CAST: variants seen among roughly 807,000 people sequenced by gnomAD.
CAST encodes the protein calpastatin, also known as MIR583 host.
A neutral mutation model predicts 119.6 loss-of-function variants in CAST; 76 were observed. The ratio of observed to expected loss-of-function variants is 0.64; its 90% confidence interval spans 0.53 to 0.77. The LOEUF (loss-of-function observed/expected upper bound fraction) is 0.77, where lower values mean the gene tolerates loss of function less well. CAST is among the 30% of genes least tolerant of loss of function. The probability of loss-of-function intolerance (pLI) is 0.00; values close to 1 mark genes in which losing one functional copy is unlikely to be tolerated. For missense variants in CAST, 953 were observed against 946.5 expected, an observed-to-expected ratio of 1.01 and a Z score of -0.09; for synonymous variants, 319 against 331.6, an observed-to-expected ratio of 0.96 and a Z score of 0.41.
the CAST span, among the ~76,000 whole-genome samples, chr5:96,149,573 C>T: frequency 1.3e-5 from 2 of 152,316 alleles, no homozygotes; most frequent in East Asian, 3.9e-4. Context: ...TGATGAGACT[C>T]ATTAAGGGCA....
At chr5:96,694,975 T>G (rs1434968253) in intron 2 of CAST, among the ~76,000 whole-genome samples, 2 of 152,164 alleles carry the variant, frequency 1.3e-5, no homozygotes, top group African/African-American at 4.8e-5. Context: ...AATGAAGTGT[T>G]TTTCTAGGAC....
the CAST span, among the ~76,000 whole-genome samples, chr5:96,166,685 A>G: frequency 6.6e-6 from 1 of 152,234 alleles, no homozygotes; most frequent in Non-Finnish European, 1.5e-5. Flanking sequence ...CAATTGAAGC[A>G]TAGCCTTGGC....
At chr5:96,293,204 G>T in the CAST span, among the ~76,000 whole-genome samples, 4 of 152,172 alleles carry the variant, frequency 2.6e-5, no homozygotes, top group Non-Finnish European at 5.9e-5. Flanking sequence ...CAGAAAATCT[G>T]TGGTTCTTAG....
At chr5:96,325,063 G>T in the CAST span, among the ~76,000 whole-genome samples, 1 of 152,138 alleles carries the variant, frequency 6.6e-6, no homozygotes, top group African/African-American at 2.4e-5. Flanking sequence ...AAATTAGCTG[G>T]GTATGGTGGT....
At chr5:96,379,573 G>A in the CAST span, 5 of 152,116 alleles carry the variant, frequency 3.3e-5, no homozygotes, top group African/African-American at 9.7e-5. Context: ...TAGGGCCAGA[G>A]GATCTACTAC....
chr5:95,983,756 T>C, the CAST span, among the ~76,000 whole-genome samples: 2 of 152,174 alleles, frequency 1.3e-5, no homozygotes, highest in South Asian at 4.1e-4. Flanking sequence ...AGTGGTCACC[T>C]CTAAGGGGTG....
chr5:96,079,518 T>A, the CAST span, among the ~76,000 whole-genome samples: 20 of 152,338 alleles, frequency 1.3e-4, no homozygotes, highest in Admixed American at 4.6e-4. Flanking sequence ...AAATGTAGTT[T>A]GTAAAGTCTG....
the CAST span, among the ~76,000 whole-genome samples, chr5:96,048,691 A>G: frequency 6.6e-6 from 1 of 152,004 alleles, no homozygotes; most frequent in South Asian, 2.1e-4. Context: ...CAGAGTGGAC[A>G]TGTCCCAAAT....
At chr5:96,747,533 A>ATCAGCCAAGTGTTACCATC in intron 18 of CAST, 141 bp downstream of exon 18, 2 of 545,826 alleles carry the variant, frequency 3.7e-6, no homozygotes, top group Non-Finnish European at 6.6e-6. Context: ...TTCTGATGGT[A>ATCAGCCAAGTGTTACCATC]ACACTTGGCT....
chr5:96,424,008 G>A, the CAST span, among the ~76,000 whole-genome samples: 1 of 152,184 alleles, frequency 6.6e-6, no homozygotes, highest in South Asian at 2.1e-4. Context: ...GATTTAGGGG[G>A]TAAGTGTCTG....
chr5:96,577,298 A>G (rs1044014363), intron 1 of CAST, among the ~76,000 whole-genome samples: 2 of 151,796 alleles, frequency 1.3e-5, no homozygotes, highest in South Asian at 4.2e-4. Flanking sequence ...GTCTTGGTGG[A>G]GGTTTATCAA....
upstream of CAST, among the ~76,000 whole-genome samples, chr5:96,524,654 G>A (rs1194160142): frequency 6.6e-6 from 1 of 152,114 alleles, no homozygotes; most frequent in Non-Finnish European, 1.5e-5. Context: ...TGAGCAAGGG[G>A]AACCCAAAAC....
the CAST span, among the ~76,000 whole-genome samples, chr5:96,013,570 C>A: frequency 1.3e-5 from 2 of 152,030 alleles, no homozygotes; most frequent in Admixed American, 6.6e-5. Flanking sequence ...TATGGGGACA[C>A]CTTCTGAGAG....
the CAST span, among the ~76,000 whole-genome samples, chr5:96,414,639 T>C: frequency 6.6e-5 from 10 of 152,358 alleles, no homozygotes; most frequent in African/African-American, 2.4e-4. Context: ...GTGTTTCAGT[T>C]CTACACTGCC....
At chr5:96,368,867 T>C in the CAST span, among the ~76,000 whole-genome samples, 12 of 152,156 alleles carry the variant, frequency 7.9e-5, 1 homozygote, top group Non-Finnish European at 8.8e-5. Context: ...AGGTAAGAAA[T>C]TTAAACCTGG....
At chr5:96,083,416 G>C in the CAST span, among the ~76,000 whole-genome samples, 3 of 152,144 alleles carry the variant, frequency 2.0e-5, no homozygotes, top group African/African-American at 7.2e-5. Flanking sequence ...TTCAACTGTT[G>C]TCTTGAACCA....
At chr5:96,633,892 A>G (rs34503083) in intron 1 of CAST, among the ~76,000 whole-genome samples, 2,485 of 152,286 alleles carry the variant, frequency 0.016, 42 homozygotes, top group African/African-American at 0.032. Context: ...CCCTGTTAAA[A>G]TCTATCCTCT....
chr5:95,988,042 C>G, the CAST span, among the ~76,000 whole-genome samples: 12 of 152,176 alleles, frequency 7.9e-5, no homozygotes, highest in Non-Finnish European at 1.6e-4. Context: ...TTATCTTTAA[C>G]TCTGTTCTAG....
At chr5:96,563,707 G>A (rs890674151) in intron 1 of CAST, among the ~76,000 whole-genome samples, 2 of 152,020 alleles carry the variant, frequency 1.3e-5, no homozygotes, top group African/African-American at 2.4e-5. Flanking sequence ...ACGGTATATG[G>A]TATACGGTTC....
Sources: gnomAD v4.1 joint callset for allele counts (sites outside exome capture counted in the v4.1 genomes callset) on GRCh38, gnomAD v4.1.1 for gene constraint, MANE v1.5 for transcripts, NCBI Gene and HGNC (gene_info 2026-07-23, HGNC 2026-07-21) for gene names.